GPR160: variants seen among roughly 807,000 people sequenced by gnomAD.
GPR160 encodes G protein-coupled receptor 160, also known as probable G protein-coupled receptor 160.
GPR160 carries 2 observed loss-of-function variants against 2.6 expected under a neutral mutation model. The observed-to-expected ratio is 0.77, with a 90% CI of 0.32 to 2.44. The LOEUF (loss-of-function observed/expected upper bound fraction) is 2.44. Among genes scored for constraint, GPR160 ranks in the 30% most tolerant of loss-of-function variants. GPR160 has a pLI of 0.11. For synonymous variants in GPR160, 130 were observed against 132.2 expected, an observed-to-expected ratio of 0.98 and a Z score of 0.12; for missense variants, 351 against 383.6, an observed-to-expected ratio of 0.91 and a Z score of 0.71.
At chr3:170,065,941 G>T (rs927790430) in intron 2 of GPR160, among the ~76,000 whole-genome samples, 4 of 151,274 alleles carry the variant, frequency 2.6e-5, no homozygotes, top group African/African-American at 9.7e-5. Flanking sequence ...TTTTTTTTAA[G>T]AGATGGGGTC....
rs1356961919 is a variant in GPR160, at chr3:170,084,375, CA to C, written c.408del (p.Lys136AsnfsTer8). 10 of 1,607,444 alleles carry C rather than the reference CA, an allele frequency of 6.2e-6. No homozygotes were observed. Among genetic ancestry groups the C allele is most frequent in the African/African-American group, 1.3e-5 (1 of 74,700 alleles). On this transcript the variant is annotated frameshift_variant, in exon 4 of 4. Transcript: ENST00000355897. LOFTEE classifies it low-confidence loss of function (END_TRUNC). Reference sequence around the variant, plus strand: ...AACAACCAAGCTTTCATTTAAGTGTCAAAAATTATTTTATTTCTTTACAGTA... The same window carrying C: ...AACAACCAAGCTTTCATTTAAGTGTCAAAATTATTTTATTTCTTTACAGTA... ...SKTTKLSFKCQKLFYFFTVIL... is the reference protein window; with the variant it reads ...SKTTKLSFKCXKLFYFFTVIL...
chr3:170,062,581 T>C, intron 2 of GPR160: 1 of 1,081,964 alleles, frequency 9.2e-7, no homozygotes, highest in Non-Finnish European at 1.4e-6. Context: ...TCGCACCTTT[T>C]CCAAACCAAA....
intron 2 of GPR160, among the ~76,000 whole-genome samples, chr3:170,050,122 C>T (rs1291999317): frequency 1.3e-5 from 2 of 151,350 alleles, no homozygotes; most frequent in Admixed American, 6.6e-5. Flanking sequence ...TGCAATGGTG[C>T]GTTCTCGGCT....
At chr3:170,068,168 C>T (rs970811774) in intron 2 of GPR160, among the ~76,000 whole-genome samples, 4 of 152,084 alleles carry the variant, frequency 2.6e-5, no homozygotes, top group African/African-American at 4.8e-5. Flanking sequence ...TTTTTTGAAA[C>T]GGAGTCTTGC....
At chr3:170,080,774 C>T (rs115333473) in intron 3 of GPR160, among the ~76,000 whole-genome samples, 1,946 of 152,284 alleles carry the variant, frequency 0.013, 20 homozygotes, top group Non-Finnish European at 0.019. Flanking sequence ...TGACTTGGCT[C>T]ACCACAGCCT....
intron 3 of GPR160, among the ~76,000 whole-genome samples, chr3:170,082,613 C>T (rs60284850): frequency 0.44 from 66,530 of 151,764 alleles, 14,844 homozygotes; most frequent in East Asian, 0.69. Context: ...TTTCTTTTTT[C>T]GAGACAGGGT....
At chr3:170,062,724 C>T (rs1415178962) in intron 2 of GPR160, 3 of 1,250,332 alleles carry the variant, frequency 2.4e-6, no homozygotes, top group South Asian at 1.2e-5. Context: ...AAGGAAAAGT[C>T]GCAAACTCAC....
chr3:170,084,044 T>TA lies in GPR160; in HGVS notation c.74dup (p.Asn25LysfsTer42). 6.3e-7 allele frequency: 1 copy of TA among 1,582,512 alleles called. No individual in the cohort carries two copies. Among genetic ancestry groups the TA allele is most frequent in the Non-Finnish European group, 8.6e-7 (1 of 1,164,952 alleles). On this transcript the variant is annotated frameshift_variant, in exon 4 of 4. Coordinates refer to ENST00000355897, the MANE Select transcript of GPR160 (RefSeq NM_014373.3). LOFTEE classifies it low-confidence loss of function (END_TRUNC). ...GTCAAACAAACCAGCCCCTAGATGTTAACTATCTGCTATTCTTGATCATAC... is the reference window on the plus strand; with the variant it reads ...GTCAAACAAACCAGCCCCTAGATGTTAAACTATCTGCTATTCTTGATCATAC...
chr3:170,081,786 T>C (rs1280000824), intron 3 of GPR160, among the ~76,000 whole-genome samples: 1 of 152,174 alleles, frequency 6.6e-6, no homozygotes, highest in African/African-American at 2.4e-5. Context: ...CCATGTGTTC[T>C]CATCATTTAG....
chr3:170,040,952 A>C (rs1343097220), intron 2 of GPR160, among the ~76,000 whole-genome samples: 1 of 152,180 alleles, frequency 6.6e-6, no homozygotes, highest in Non-Finnish European at 1.5e-5. Flanking sequence ...GAAAGAGGGT[A>C]AGGAAGGAGT....
At chr3:170,042,146 C>T (rs994152484) in intron 2 of GPR160, among the ~76,000 whole-genome samples, 6 of 152,060 alleles carry the variant, frequency 3.9e-5, no homozygotes, top group African/African-American at 1.4e-4. Context: ...TCCTGTGAGG[C>T]GAAGCAGTGG....
At chr3:170,079,307 T>G (rs1457474722) in intron 2 of GPR160, among the ~76,000 whole-genome samples, 1 of 152,224 alleles carries the variant, frequency 6.6e-6, no homozygotes, top group East Asian at 1.9e-4. Flanking sequence ...AAAATTCAGC[T>G]GTCTGCTATT....
intron 3 of GPR160, among the ~76,000 whole-genome samples, chr3:170,083,002 T>G (rs968433843): frequency 2.6e-5 from 4 of 151,494 alleles, no homozygotes; most frequent in African/African-American, 9.7e-5. Context: ...TTTGTTTTTG[T>G]TTTTTTGCTA....
At chr3:170,055,909 CA>C (rs1452885569) in intron 2 of GPR160, among the ~76,000 whole-genome samples, 1 of 152,248 alleles carries the variant, frequency 6.6e-6, no homozygotes, top group East Asian at 1.9e-4. Flanking sequence ...GCTGGGATTA[CA>C]GGCGTGAGCC....
At chr3:170,041,409 C>A (rs1716446633) in intron 2 of GPR160, among the ~76,000 whole-genome samples, 2 of 149,450 alleles carry the variant, frequency 1.3e-5, no homozygotes, top group Non-Finnish European at 3.0e-5. Context: ...TCACGCCATT[C>A]TCCTGCCTCA....
chr3:170,039,407 T>G (rs1330321223), intron 2 of GPR160, among the ~76,000 whole-genome samples: 2 of 152,094 alleles, frequency 1.3e-5, no homozygotes, highest in Non-Finnish European at 2.9e-5. Flanking sequence ...TTGATGAATG[T>G]TTTTTAAAAT....
intron 2 of GPR160, among the ~76,000 whole-genome samples, chr3:170,042,707 T>C (rs552441544): frequency 6.7e-6 from 1 of 149,546 alleles, no homozygotes; most frequent in African/African-American, 2.4e-5. Flanking sequence ...ATAATAAAAT[T>C]GGCCAGTGTG....
At chr3:170,081,013 CCTTA>C (rs1448799622) in intron 3 of GPR160, among the ~76,000 whole-genome samples, 5 of 152,098 alleles carry the variant, frequency 3.3e-5, no homozygotes, top group Non-Finnish European at 2.9e-5. Flanking sequence ...ACTTGGCTTT[CCTTA>C]CTTAATTTAG....
intron 2 of GPR160, among the ~76,000 whole-genome samples, chr3:170,052,315 C>T (rs909472108): frequency 6.6e-6 from 1 of 152,338 alleles, no homozygotes; most frequent in Middle Eastern, 3.4e-3. Context: ...CACTATTTTC[C>T]AAGGGGATAC....
Sources: allele counts gnomAD v4.1 joint callset (sites outside exome capture counted in the v4.1 genomes callset), GRCh38; gene constraint gnomAD v4.1.1; transcripts MANE v1.5; gene names NCBI Gene and HGNC (gene_info 2026-07-23, HGNC 2026-07-21).